The following ZNF521 variants were observed in gnomAD, a reference collection of about 807,000 sequenced individuals.
ZNF521 encodes the protein LYST-interacting protein 3.
A neutral mutation model predicts 105.5 loss-of-function variants in ZNF521; 14 were observed. The ratio of observed to expected loss-of-function variants is 0.13; its 90% confidence interval spans 0.09 to 0.21. The LOEUF (loss-of-function observed/expected upper bound fraction) is 0.21, where lower values mean the gene tolerates loss of function less well. Among genes scored for constraint, ZNF521 ranks in the 10% least tolerant of loss-of-function variants. ZNF521 has a pLI of 1.00. For synonymous variants in ZNF521, 635 were observed against 606.0 expected, an observed-to-expected ratio of 1.05 and a Z score of -0.70; for missense variants, 1,233 against 1,629.7, an observed-to-expected ratio of 0.76 and a Z score of 4.19.
At chr18:25,199,033 A>G (rs891978442) in intron 4 of ZNF521, among the ~76,000 whole-genome samples, 14 of 152,002 alleles carry the variant, frequency 9.2e-5, no homozygotes, top group African/African-American at 3.4e-4. Context: ...GAGTTGCAAT[A>G]TGAAGTATAC....
chr18:25,159,857 T>C (rs1309326520), intron 5 of ZNF521, among the ~76,000 whole-genome samples: 3 of 152,144 alleles, frequency 2.0e-5, no homozygotes, highest in Non-Finnish European at 2.9e-5. Flanking sequence ...ACCAAGATAA[T>C]AGTACACATG....
chr18:25,326,498 T>C (rs982037085), intron 2 of ZNF521, among the ~76,000 whole-genome samples: 1 of 152,208 alleles, frequency 6.6e-6, no homozygotes, highest in African/African-American at 2.4e-5. Flanking sequence ...AACTGCCTCA[T>C]TAAATCTCTG....
Position 25,194,230 on chromosome 18 carries a change from T to G in ZNF521, c.3658+930A>C, listed in dbSNP as rs1322130904. On this transcript the variant is annotated intron_variant, in intron 5 of 7. Transcript: ENST00000361524. ...GAGGTTAATTTGACTTTTTAAATAT[T>G]ATAATTATTTATGGTATTATGAAAT... Among the ~76,000 whole-genome samples, 8 of 151,808 alleles carry G rather than the reference T, an allele frequency of 5.3e-5. No individual in the cohort carries two copies. In the East Asian group the frequency reaches 1.5e-3, roughly 29 times the overall value.
chr18:25,153,586 G>A (rs998863692), intron 5 of ZNF521, among the ~76,000 whole-genome samples: 3 of 152,120 alleles, frequency 2.0e-5, no homozygotes, highest in Non-Finnish European at 2.9e-5. Flanking sequence ...AACTCTTCTC[G>A]TGTGAATACA....
chr18:25,158,791 A>G (rs1008862417), intron 5 of ZNF521, among the ~76,000 whole-genome samples: 25 of 152,096 alleles, frequency 1.6e-4, no homozygotes, highest in African/African-American at 5.6e-4. Context: ...CCCCATCTCT[A>G]CTAAAAATAC....
At chr18:25,129,120 G>A (rs2034590396) in intron 5 of ZNF521, among the ~76,000 whole-genome samples, 1 of 151,790 alleles carries the variant, frequency 6.6e-6, no homozygotes, top group East Asian at 1.9e-4. Flanking sequence ...CAATGAAGCA[G>A]AATAGAGAGC....
intron 5 of ZNF521, among the ~76,000 whole-genome samples, chr18:25,169,026 T>A (rs1600113058): frequency 6.6e-6 from 1 of 152,056 alleles, no homozygotes; most frequent in East Asian, 1.9e-4. Flanking sequence ...AGGTAATAGT[T>A]TCCACAATTA....
At position 25,299,762 on chromosome 18, in the gene ZNF521, T is replaced by C. The variant is rs1420664245; in HGVS notation, c.220+22246A>G. On this transcript the variant is annotated intron_variant, in intron 3 of 7. Transcript: ENST00000361524. ...GACTACAGTTTAAGAAATTACATTGTATAAGTCCTTGCTTCCTATTTCTCA... is the reference window on the plus strand; with the variant it reads ...GACTACAGTTTAAGAAATTACATTGCATAAGTCCTTGCTTCCTATTTCTCA... 2.0e-5 allele frequency among the ~76,000 whole-genome samples: 3 copies of C among 152,226 alleles called. No homozygotes were observed. The South Asian group carries it at 6.2e-4, about 31-fold the overall frequency.
intron 4 of ZNF521, among the ~76,000 whole-genome samples, chr18:25,222,404 T>C (rs9965943): frequency 1.1e-4 from 16 of 152,194 alleles, no homozygotes; most frequent in African/African-American, 3.4e-4. Flanking sequence ...TCCTCTTAGA[T>C]GTTATTATAA....
intron 5 of ZNF521, among the ~76,000 whole-genome samples, chr18:25,179,486 A>G (rs529113255): frequency 3.9e-5 from 6 of 151,926 alleles, no homozygotes; most frequent in Non-Finnish European, 8.8e-5. Context: ...ACGTGTGTGC[A>G]TGTGTGTATA....
Position 25,342,915 on chromosome 18 carries a change from A to G in ZNF521, c.40+7992T>C, listed in dbSNP as rs553111594. On this transcript the variant is annotated intron_variant, in intron 2 of 7. Transcript: ENST00000361524. ...CTAATCTGGCTCTATTGTGAAAGAT[A>G]AGAATATTAGCTAAGAACACGTATG... Among the ~76,000 whole-genome samples the G allele has an allele frequency of 8.5e-5, 13 of 152,350 alleles. No individual in the cohort carries two copies. In the South Asian group the frequency reaches 2.3e-3, roughly 27 times the overall value.
chr18:25,187,284 T>TA (rs2035742702), intron 5 of ZNF521, among the ~76,000 whole-genome samples: 1 of 152,204 alleles, frequency 6.6e-6, no homozygotes, highest in Non-Finnish European at 1.5e-5. Flanking sequence ...GAGGAAGACT[T>TA]ACATTTTTAT....
intron 5 of ZNF521, among the ~76,000 whole-genome samples, chr18:25,186,361 AAT>A (rs1306976695): frequency 1.3e-5 from 2 of 152,226 alleles, no homozygotes; most frequent in Non-Finnish European, 2.9e-5. Context: ...CTAATCCTGA[AAT>A]ATATTAATCA....
intron 5 of ZNF521, among the ~76,000 whole-genome samples, chr18:25,126,883 C>T (rs1001390793): frequency 6.6e-6 from 1 of 152,020 alleles, no homozygotes; most frequent in Admixed American, 6.6e-5. Context: ...GTCTGATAGC[C>T]TCCAGCACCA....
chr18:25,091,070 G>A (rs2033734621), intron 6 of ZNF521, among the ~76,000 whole-genome samples: 1 of 152,150 alleles, frequency 6.6e-6, no homozygotes, highest in African/African-American at 2.4e-5. Flanking sequence ...GAAATCTATA[G>A]GCTCAGTTCA....
intron 4 of ZNF521, among the ~76,000 whole-genome samples, chr18:25,208,766 C>T (rs1266182431): frequency 1.3e-5 from 2 of 152,254 alleles, no homozygotes; most frequent in Middle Eastern, 6.8e-3. Flanking sequence ...GAGTTTAGTT[C>T]ATTCATTCAT....
intron 7 of ZNF521, among the ~76,000 whole-genome samples, chr18:25,076,190 G>A (rs1274696542): frequency 1.3e-5 from 2 of 152,166 alleles, no homozygotes; most frequent in Non-Finnish European, 2.9e-5. Flanking sequence ...CAAAAACCTC[G>A]AAAATGGTAA....
chr18:25,119,741 C>CTCAT (rs534547591), intron 5 of ZNF521, among the ~76,000 whole-genome samples: 151 of 151,748 alleles, frequency 1.0e-3, no homozygotes, highest in African/African-American at 3.4e-3. Flanking sequence ...TTGTCTAAAA[C>CTCAT]TAATGACTTA....
chr18:25,271,971 G>T (rs559335612), intron 3 of ZNF521, among the ~76,000 whole-genome samples: 13 of 152,208 alleles, frequency 8.5e-5, no homozygotes, highest in African/African-American at 2.9e-4. Flanking sequence ...TCAGAGTGAA[G>T]AGGCAACCTA....
Sources: gnomAD v4.1 joint callset for allele counts (sites outside exome capture counted in the v4.1 genomes callset) on GRCh38, gnomAD v4.1.1 for gene constraint, MANE v1.5 for transcripts, NCBI Gene and HGNC (gene_info 2026-07-23, HGNC 2026-07-21) for gene names.